CDH13: variants seen among roughly 807,000 people sequenced by gnomAD.
CDH13 encodes the protein cadherin 13, also known as cadherin-13.
A neutral mutation model predicts 63.8 loss-of-function variants in CDH13; 24 were observed. That is an observed-to-expected ratio of 0.38 (90% confidence interval 0.27 to 0.53). The LOEUF (loss-of-function observed/expected upper bound fraction) is 0.53. Among genes scored for constraint, CDH13 ranks in the 20% least tolerant of loss-of-function variants. The pLI, the probability that CDH13 is intolerant of heterozygous loss-of-function variation, is 0.85. For synonymous variants in CDH13, 503 were observed against 355.3 expected, an observed-to-expected ratio of 1.42 and a Z score of -4.67; for missense variants, 1,049 against 903.1, an observed-to-expected ratio of 1.16 and a Z score of -2.07.
At chr16:83,255,561 C>T (rs1041624186) in intron 5 of CDH13, among the ~76,000 whole-genome samples, 3 of 152,196 alleles carry the variant, frequency 2.0e-5, no homozygotes, top group African/African-American at 7.2e-5. Flanking sequence ...CCTGCTCCAG[C>T]TTGGCTCTTT....
At chr16:83,137,799 AG>A (rs2036359673) in intron 4 of CDH13, among the ~76,000 whole-genome samples, 1 of 152,092 alleles carries the variant, frequency 6.6e-6, no homozygotes, top group Non-Finnish European at 1.5e-5. Context: ...TACTAGTCCA[AG>A]TTTTGAAGAG....
intron 1 of CDH13, among the ~76,000 whole-genome samples, chr16:82,857,037 G>C (rs1247225949): frequency 6.6e-6 from 1 of 152,138 alleles, no homozygotes; most frequent in Non-Finnish European, 1.5e-5. Flanking sequence ...AAGTTTTAGA[G>C]ACATATCTCG....
chr16:83,654,699 C>T (rs530908333), intron 8 of CDH13: 2 of 152,316 alleles, frequency 1.3e-5, no homozygotes, highest in South Asian at 2.1e-4. Context: ...GTACTTTCGT[C>T]TCCAGGCAAA....
intron 4 of CDH13, among the ~76,000 whole-genome samples, chr16:83,185,578 G>C (rs1597482924): frequency 6.6e-6 from 1 of 152,284 alleles, no homozygotes; most frequent in Middle Eastern, 3.4e-3. Context: ...TACTTGAACA[G>C]TATCACTTCA....
chr16:83,602,216 G>A (rs547808103), intron 7 of CDH13, among the ~76,000 whole-genome samples: 1 of 118,910 alleles, frequency 8.4e-6, no homozygotes, highest in Admixed American at 9.6e-5. Context: ...CCCTAAAAAA[G>A]AACAGTAAAT....
chr16:82,681,242 G>A lies in CDH13; in HGVS notation c.45+54105G>A, dbSNP rs1164485579. On this transcript the variant is annotated intron_variant, in intron 1 of 13. Transcript: ENST00000567109. ...GGATGAACCTTGAAAACCTGATGCC[G>A]GTGGCAACGACCCCATACCGTGTGG... Among the ~76,000 whole-genome samples the A allele has an allele frequency of 2.6e-5, 4 of 152,312 alleles. No homozygotes were observed. In the East Asian group the frequency reaches 5.8e-4, roughly 22 times the overall value.
At chr16:83,522,165 G>T (rs1045422389) in intron 7 of CDH13, among the ~76,000 whole-genome samples, 1 of 152,148 alleles carries the variant, frequency 6.6e-6, no homozygotes, top group Admixed American at 6.5e-5. Context: ...TCTGGCTTGC[G>T]CTTTAATGTC....
At chr16:83,758,400 G>T (rs552388039) in intron 11 of CDH13, among the ~76,000 whole-genome samples, 59 of 151,936 alleles carry the variant, frequency 3.9e-4, no homozygotes, top group Non-Finnish European at 6.0e-4. Context: ...AATTCATGTT[G>T]ATTTCTGATT....
chr16:83,356,325 C>T (rs1402065908), intron 6 of CDH13, among the ~76,000 whole-genome samples: 4 of 151,188 alleles, frequency 2.6e-5, no homozygotes, highest in Non-Finnish European at 4.4e-5. Context: ...AGTAGCCCAG[C>T]TTGCCAGGTA....
chr16:82,700,373 C>G (rs1462802646), intron 1 of CDH13, among the ~76,000 whole-genome samples: 1 of 152,306 alleles, frequency 6.6e-6, no homozygotes, highest in East Asian at 1.9e-4. Context: ...GACCAACGTT[C>G]TATGCAGAGG....
At chr16:83,678,167 T>G (rs769794886) in intron 9 of CDH13, 41 bp from the exon 10 acceptor site, 4 of 1,571,608 alleles carry the variant, frequency 2.5e-6, no homozygotes. Flanking sequence ...CTGCCTTTTG[T>G]GGCTGGTGTG....
chr16:83,791,893 TTGCATAAAACAAAA>T (rs1375019511), intron 13 of CDH13, among the ~76,000 whole-genome samples: 2 of 152,196 alleles, frequency 1.3e-5, no homozygotes, highest in Non-Finnish European at 2.9e-5. Flanking sequence ...AACGTATTGT[TTGCATAAAACAAAA>T]TGCATCCGTT....
chr16:83,243,776 A>ATTATAC (rs1904710642), intron 5 of CDH13, among the ~76,000 whole-genome samples: 1 of 152,232 alleles, frequency 6.6e-6, no homozygotes. Context: ...ATATGAGGTC[A>ATTATAC]TTATACTTAT....
intron 3 of CDH13, among the ~76,000 whole-genome samples, chr16:83,058,759 G>A (rs2031215810): frequency 6.6e-6 from 1 of 152,188 alleles, no homozygotes; most frequent in South Asian, 2.1e-4. Context: ...CAGCATCTGG[G>A]ATGGTCTTAA....
At chr16:83,621,781 G>A (rs1037879700) in intron 8 of CDH13, among the ~76,000 whole-genome samples, 8 of 151,774 alleles carry the variant, frequency 5.3e-5, no homozygotes, top group Admixed American at 1.3e-4. Context: ...GCCACCGCAC[G>A]CAGCCACCTC....
intron 11 of CDH13, among the ~76,000 whole-genome samples, chr16:83,768,440 G>A (rs759590868): frequency 6.6e-6 from 1 of 152,160 alleles, no homozygotes; most frequent in Non-Finnish European, 1.5e-5. Flanking sequence ...ATGACACCAG[G>A]TTGCAGCAGA....
chr16:83,194,326 G>C (rs1441647700), intron 4 of CDH13, among the ~76,000 whole-genome samples: 1 of 152,206 alleles, frequency 6.6e-6, no homozygotes, highest in Admixed American at 6.5e-5. Context: ...CTTGCTGTTA[G>C]CAGCGCAGAT....
chr16:83,427,880 T>C (rs2071960914), intron 6 of CDH13, among the ~76,000 whole-genome samples: 1 of 152,216 alleles, frequency 6.6e-6, no homozygotes, highest in African/African-American at 2.4e-5. Context: ...TTCAGGGCCG[T>C]GAAGATGTTC....
intron 4 of CDH13, among the ~76,000 whole-genome samples, chr16:83,161,641 C>G (rs938774241): frequency 2.0e-5 from 3 of 152,104 alleles, no homozygotes; most frequent in South Asian, 2.1e-4. Context: ...TTCCCTCCCC[C>G]GCCTTGACTG....
Sources: gnomAD v4.1 joint callset for allele counts (sites outside exome capture counted in the v4.1 genomes callset) on GRCh38, gnomAD v4.1.1 for gene constraint, MANE v1.5 for transcripts, NCBI Gene and HGNC (gene_info 2026-07-23, HGNC 2026-07-21) for gene names.